MACC1: variants seen among roughly 807,000 people sequenced by gnomAD.
The protein encoded by MACC1 is metastasis-associated in colon cancer protein 1.
MACC1 carries 79 observed loss-of-function variants against 70.7 expected under a neutral mutation model. The ratio of observed to expected loss-of-function variants is 1.12; its 90% confidence interval spans 0.93 to 1.35. The LOEUF (loss-of-function observed/expected upper bound fraction) is 1.35. Ranked by LOEUF, MACC1 falls within the 40% of genes most tolerant of loss-of-function variation. MACC1 has a pLI of 0.00. For synonymous variants in MACC1, 361 were observed against 347.2 expected (o/e 1.04, Z -0.44); for missense variants, 1,106 against 978.1 (o/e 1.13, Z -1.74).
chr7:20,206,445 T>G (rs552213494), intron 1 of MACC1, among the ~76,000 whole-genome samples: 4 of 152,168 alleles, frequency 2.6e-5, no homozygotes, highest in Non-Finnish European at 5.9e-5. Flanking sequence ...CCTTATTCAC[T>G]CTACCTTCCA....
At chr7:20,162,848 T>C (rs1782158854) in intron 3 of MACC1, among the ~76,000 whole-genome samples, 1 of 152,176 alleles carries the variant, frequency 6.6e-6, no homozygotes, top group South Asian at 2.1e-4. Flanking sequence ...CTAGAGATCG[T>C]CTTTATGTTT....
Position 20,155,109 on chromosome 7 carries a change from T to G in MACC1, c.2158-728A>C, listed in dbSNP as rs117515889. ...CAGGCTCTTACCTAACCATGCATGT[T>G]TCAAACAAGTCTACAAGTTTGTGTT... On this transcript the variant is annotated intron_variant, in intron 5 of 6. Coordinates refer to ENST00000400331, the MANE Select transcript of MACC1 (RefSeq NM_182762.4). Among the ~76,000 whole-genome samples, 1,334 of 152,310 alleles carry G rather than the reference T, an allele frequency of 8.8e-3. 8 individuals carry two copies. The highest frequency in any genetic ancestry group is 0.017 in the South Asian group (80 of 4,822).
At chr7:20,178,173 A>C (rs1444578890) in intron 1 of MACC1, among the ~76,000 whole-genome samples, 4 of 152,058 alleles carry the variant, frequency 2.6e-5, no homozygotes, top group Non-Finnish European at 5.9e-5. Flanking sequence ...GTTTCTTACT[A>C]ATACTCTAAA....
rs5882730 is a variant in MACC1, at chr7:20,164,893, CT to C, written c.-152-495del. Among the ~76,000 whole-genome samples, 103 of 148,726 alleles carry C rather than the reference CT, an allele frequency of 6.9e-4. 1 individual carries two copies. The highest frequency in any genetic ancestry group is 2.3e-3 in the Admixed American group (35 of 14,978). ...ATCAACTTAGTAAACTACCTAAACT[CT>C]TTTTTTTTTTATGAGGAAAGAGCAA... On this transcript the variant is annotated intron_variant, in intron 2 of 6. Coordinates refer to ENST00000400331, the MANE Select transcript of MACC1 (RefSeq NM_182762.4).
chr7:20,216,044 T>C (rs971551455), intron 1 of MACC1, among the ~76,000 whole-genome samples: 1 of 152,154 alleles, frequency 6.6e-6, no homozygotes, highest in Non-Finnish European at 1.5e-5. Context: ...AAATCGCTAT[T>C]ATGAATAAAA....
At chr7:20,156,446 G>A (rs1314428291) in intron 5 of MACC1, among the ~76,000 whole-genome samples, 1 of 152,180 alleles carries the variant, frequency 6.6e-6, no homozygotes, top group Non-Finnish European at 1.5e-5. Flanking sequence ...CATCATTAAT[G>A]ACCTTTGGCC....
At chr7:20,175,901 A>G (rs1295589753) in intron 1 of MACC1, among the ~76,000 whole-genome samples, 3 of 152,144 alleles carry the variant, frequency 2.0e-5, no homozygotes, top group Non-Finnish European at 2.9e-5. Flanking sequence ...CAATAATAAA[A>G]ATATTTCCAT....
chr7:20,178,845 C>T (rs1583399190), intron 1 of MACC1, among the ~76,000 whole-genome samples: 1 of 152,268 alleles, frequency 6.6e-6, no homozygotes, highest in African/African-American at 2.4e-5. Flanking sequence ...GATGATCCTC[C>T]CATCTTGGCC....
rs746114341 is a variant in MACC1, at chr7:20,158,888, A to G, written c.1473T>C (p.Pro491=). 6.2e-7 allele frequency: 1 copy of G among 1,614,084 alleles called. No individual in the cohort carries two copies. Among genetic ancestry groups the G allele is most frequent in the Admixed American group, 1.7e-5 (1 of 59,988 alleles). Reference sequence around the variant, plus strand: ...ACTGTGCAACTGGTTCACCATTGGGAGGCTCCACTTGAACACAAAAATCAA... The same window carrying G: ...ACTGTGCAACTGGTTCACCATTGGGGGGCTCCACTTGAACACAAAAATCAA... The part of the protein sequence containing the change: ...HLFDFCVQVE[P]PNGEPVAQFS... The change falls in exon 5 of 7, where the codon CCT becomes CCC. Residue 491 remains proline (P), a synonymous_variant. Transcript: ENST00000400331.
chr7:20,162,582 T>A (rs933865656), intron 3 of MACC1, among the ~76,000 whole-genome samples: 1 of 152,016 alleles, frequency 6.6e-6, no homozygotes, highest in Non-Finnish European at 1.5e-5. Context: ...AAGTGGAACA[T>A]AAATATATGA....
chr7:20,210,384 T>C (rs1355139621), intron 1 of MACC1, among the ~76,000 whole-genome samples: 1 of 152,220 alleles, frequency 6.6e-6, no homozygotes, highest in Admixed American at 6.5e-5. Flanking sequence ...ACCTCTGGCA[T>C]AGTTCTCACA....
At position 20,139,508 on chromosome 7, in the gene MACC1, C is replaced by A. The variant is rs975974050; in HGVS notation, c.*1438G>T. 8.5e-5 allele frequency: 13 copies of A among 152,136 alleles called. No homozygotes were observed. The highest frequency in any genetic ancestry group is 1.5e-4 in the Non-Finnish European group (10 of 68,032). The allele number at this position is 152,136 out of a possible 1,614,324, so 9.4% of individuals were successfully genotyped here. On this transcript the variant is annotated 3_prime_UTR_variant, in exon 7 of 7. Transcript: ENST00000400331. ...CATGCCATTTTCTATTTAACGGTGT[C>A]ATTTTTTAAAATTATCTATTACTTA... is the stretch of plus-strand genomic sequence containing the variant.
At position 20,197,594 on chromosome 7, in the gene MACC1, A is replaced by C. The variant is rs1309924399; in HGVS notation, c.-218+19705T>G. Among the ~76,000 whole-genome samples the C allele has an allele frequency of 3.3e-5, 5 of 152,216 alleles. No individual in the cohort carries two copies. The East Asian group carries it at 9.6e-4, about 29-fold the overall frequency. On this transcript the variant is annotated intron_variant, in intron 1 of 6. Coordinates refer to ENST00000400331, the MANE Select transcript of MACC1 (RefSeq NM_182762.4). ...TGAACATGTTCTCGTACGCCTACTC[A>C]CAATAAACTTGGACTGAATTTATCT...
intron 2 of MACC1, among the ~76,000 whole-genome samples, chr7:20,164,740 A>G (rs2128103557): frequency 6.6e-6 from 1 of 152,346 alleles, no homozygotes; most frequent in South Asian, 2.1e-4. Flanking sequence ...CAGAATAAGT[A>G]GTCAAAACTT....
chr7:20,213,663 C>A (rs1218568382), intron 1 of MACC1, among the ~76,000 whole-genome samples: 2 of 151,980 alleles, frequency 1.3e-5, no homozygotes, highest in Non-Finnish European at 2.9e-5. Flanking sequence ...AAACAGAAAA[C>A]CAAATACTGC....
At chr7:20,175,617 T>A (rs534769976) in intron 1 of MACC1, among the ~76,000 whole-genome samples, 12 of 152,238 alleles carry the variant, frequency 7.9e-5, no homozygotes, top group Non-Finnish European at 1.8e-4. Context: ...TATTAGGGGG[T>A]TTTGTGCCTC....
intron 1 of MACC1, among the ~76,000 whole-genome samples, chr7:20,205,082 A>AT (rs150003920): frequency 0.025 from 3,711 of 150,106 alleles, 149 homozygotes; most frequent in African/African-American, 0.084. Flanking sequence ...TATTAATACA[A>AT]TTTTTTTTTT....
Position 20,158,758 on chromosome 7 carries a change from T to C in MACC1, c.1603A>G (p.Lys535Glu), listed in dbSNP as rs751800213. The C allele has an allele frequency of 9.9e-6, 16 of 1,613,898 alleles. No homozygotes were observed. The highest frequency in any genetic ancestry group is 1.3e-5 in the Non-Finnish European group (15 of 1,180,022). The change falls in exon 5 of 7, where the codon AAA becomes GAA. Residue 535 changes from lysine (K) to glutamate (E), a missense_variant. Lys to Glu is a moderately conservative substitution (Grantham distance 56). Transcript: ENST00000400331. ...EEIKSAPLSP[K>E]ILVKYPTFQD... ...AATGTAGGATATTTAACAAGAATTTTTGGTGATAAAGGAGCAGACTTGATT... is the reference window on the plus strand; with the variant it reads ...AATGTAGGATATTTAACAAGAATTTCTGGTGATAAAGGAGCAGACTTGATT...
chr7:20,146,817 C>T (rs1174326850), intron 6 of MACC1, among the ~76,000 whole-genome samples: 1 of 152,188 alleles, frequency 6.6e-6, no homozygotes, highest in Non-Finnish European at 1.5e-5. Context: ...TTATCTCAGC[C>T]TTCTCATTTC....
Sources: allele counts gnomAD v4.1 joint callset (sites outside exome capture counted in the v4.1 genomes callset), GRCh38; gene constraint gnomAD v4.1.1; transcripts MANE v1.5; gene names NCBI Gene and HGNC (gene_info 2026-07-23, HGNC 2026-07-21).